DOT1L: variants seen among roughly 807,000 people sequenced by gnomAD.
DOT1L encodes DOT1 like histone lysine methyltransferase.
DOT1L carries 33 observed loss-of-function variants against 153.3 expected under a neutral mutation model. The observed-to-expected ratio is 0.22, with a 90% CI of 0.16 to 0.29. The LOEUF is 0.29. Among genes scored for constraint, DOT1L ranks in the 10% least tolerant of loss-of-function variants. DOT1L has a pLI of 1.00. For synonymous variants in DOT1L, 1,135 were observed against 965.1 expected, an observed-to-expected ratio of 1.18 and a Z score of -3.26; for missense variants, 1,847 against 2,119.9, an observed-to-expected ratio of 0.87 and a Z score of 2.53.
rs576201560 is a variant in DOT1L at position 2,224,574 on chromosome 19, C to G, written c.3597-814C>G. On this transcript the variant is annotated intron_variant, in intron 25 of 27. Coordinates refer to ENST00000398665, the MANE Select transcript of DOT1L (RefSeq NM_032482.3). ...CTCCGCCTCCTGGGTTCAAGTGATT[C>G]TCCTGCCTCAGCCTCCTGAGTAGTT... 6.0e-5 allele frequency among the ~76,000 whole-genome samples: 9 copies of G among 149,324 alleles called. No individual in the cohort carries two copies. In the South Asian group the frequency reaches 6.3e-4, roughly 10 times the overall value.
At chr19:2,181,173 C>T (rs988151169) in intron 2 of DOT1L, among the ~76,000 whole-genome samples, 1 of 152,264 alleles carries the variant, frequency 6.6e-6, no homozygotes, top group Admixed American at 6.5e-5. Flanking sequence ...TAAGCTCCAG[C>T]CTGGGCTCCA....
rs891895394 is a variant in DOT1L at position 2,164,341 on chromosome 19, C to A, written c.81+76C>A. The A allele has an allele frequency of 4.0e-5, 43 of 1,064,268 alleles. No individual in the cohort carries two copies. The East Asian group carries it at 6.7e-4, about 17-fold the overall frequency. The allele number at this position is 1,064,268 out of a possible 1,614,324, so 65.9% of individuals were successfully genotyped here. On this transcript the variant is annotated intron_variant, in intron 1 of 27. Transcript: ENST00000398665. ...GCCCCTGGGGACACCCCAAACCCCC[C>A]CAAGCCGCGCTCACCGGTCCCCCCT...
At chr19:2,178,710 C>A (rs544201712) in intron 1 of DOT1L, among the ~76,000 whole-genome samples, 1 of 151,954 alleles carries the variant, frequency 6.6e-6, no homozygotes, top group Non-Finnish European at 1.5e-5. Context: ...TGTGAGCTAC[C>A]GCGCCCGGCC....
chr19:2,173,616 C>T (rs1432797997), intron 1 of DOT1L, among the ~76,000 whole-genome samples: 4 of 152,190 alleles, frequency 2.6e-5, no homozygotes, highest in Admixed American at 6.5e-5. Context: ...TGGTGCCATC[C>T]GACCACCCTT....
intron 25 of DOT1L, 44 bp downstream of exon 25, chr19:2,223,530 G>C: frequency 4.0e-6 from 5 of 1,248,554 alleles, no homozygotes; most frequent in Non-Finnish European, 5.3e-6. Flanking sequence ...GGCAGCAGGG[G>C]CAGGAGGTGC....
rs2024198279 is a variant in DOT1L, at chr19:2,223,263, G to C, written c.3391-18G>C. On this transcript the variant is annotated intron_variant, in intron 24 of 27. Coordinates refer to ENST00000398665, the MANE Select transcript of DOT1L (RefSeq NM_032482.3). ...CGGGTCTGTGGTATGTGCATCCATT[G>C]TGTCTGTCTGCCCTCAGGTCAGTAA... 8 of 1,612,886 alleles carry C rather than the reference G, an allele frequency of 5.0e-6. No homozygotes were observed. In the Middle Eastern group the frequency reaches 1.3e-3, roughly 266 times the overall value.
At position 2,207,827 on chromosome 19, in the gene DOT1L, T is replaced by TCCTCAAGGCC. The variant is rs2023562391; in HGVS notation, c.963+153_963+162dup. ...CCCGGCCCCTGAGCTCAGGCCCAGC[T>TCCTCAAGGCC]CCTCAAGGCCCCTCAGTACTGCTTG... On this transcript the variant is annotated intron_variant, in intron 11 of 27. Coordinates refer to ENST00000398665, the MANE Select transcript of DOT1L (RefSeq NM_032482.3). The surrounding 1 kb of genome is among the most constrained non-coding windows in gnomAD (Gnocchi z 4.5). 1.4e-6 allele frequency: 1 copy of TCCTCAAGGCC among 714,310 alleles called. No homozygotes were observed. Among genetic ancestry groups the TCCTCAAGGCC allele is most frequent in the Admixed American group, 2.9e-5 (1 of 34,294 alleles). 44.2% of individuals were successfully genotyped at this position (714,310 alleles called of 1,614,324 possible).
rs1418554885 is a variant in DOT1L, at chr19:2,227,144, TCCGTCCGCCCCCCGCCCCGG to T, written c.4606+20_4606+39del. On this transcript the variant is annotated intron_variant, in intron 27 of 27. Coordinates refer to ENST00000398665, the MANE Select transcript of DOT1L (RefSeq NM_032482.3). Reference sequence around the variant, plus strand: ...CAGTTGGAGGTAGGCAGGGCGGCCGTCCGTCCGCCCCCCGCCCCGGCCCCCGCCGGAGGCCCCTTCCTTTG... The same window carrying T: ...CAGTTGGAGGTAGGCAGGGCGGCCGTCCCCCGCCGGAGGCCCCTTCCTTTG... The T allele has an allele frequency of 6.4e-7, 1 of 1,553,958 alleles. No homozygotes were observed. The highest frequency in any genetic ancestry group is 1.4e-5 in the African/African-American group (1 of 72,782).
At position 2,208,619 on chromosome 19, in the gene DOT1L, C is replaced by T. The variant is rs113604385; in HGVS notation, c.964-316C>T. On this transcript the variant is annotated intron_variant, in intron 11 of 27. Transcript: ENST00000398665. The surrounding 1 kb of genome is among the most constrained non-coding windows in gnomAD (Gnocchi z 4.4). ...CTCGCCTTCTCCTCTGAGGCGGGCGCGGTTCTTCTGTGCAGAAAGCCCTCC... is the reference window on the plus strand; with the variant it reads ...CTCGCCTTCTCCTCTGAGGCGGGCGTGGTTCTTCTGTGCAGAAAGCCCTCC... Among the ~76,000 whole-genome samples the T allele has an allele frequency of 3.3e-5, 5 of 152,190 alleles. No homozygotes were observed. The highest frequency in any genetic ancestry group is 2.1e-4 in the South Asian group (1 of 4,832).
At position 2,225,461 on chromosome 19, in the gene DOT1L, C is replaced by G; in HGVS notation, c.3661+9C>G. On this transcript the variant is annotated intron_variant, in intron 26 of 27. Coordinates refer to ENST00000398665, the MANE Select transcript of DOT1L (RefSeq NM_032482.3). ...GAAAACCTTGGAAAATGGTGAGTAACAAGTGTTTTGCGGCGTGGCCAGGCC... is the reference window on the plus strand; with the variant it reads ...GAAAACCTTGGAAAATGGTGAGTAAGAAGTGTTTTGCGGCGTGGCCAGGCC... 3.7e-6 allele frequency: 6 copies of G among 1,614,030 alleles called. No homozygotes were observed. Among genetic ancestry groups the G allele is most frequent in the Non-Finnish European group, 5.1e-6 (6 of 1,179,956 alleles).
intron 12 of DOT1L, 38 bp downstream of exon 12, chr19:2,209,014 G>A (rs1346316987): frequency 2.5e-6 from 4 of 1,604,946 alleles, no homozygotes; most frequent in East Asian, 2.2e-5. Flanking sequence ...TTAATAACAC[G>A]CATGCACTGA....
intron 7 of DOT1L, among the ~76,000 whole-genome samples, chr19:2,199,083 G>A (rs577659420): frequency 3.3e-5 from 5 of 152,250 alleles, no homozygotes; most frequent in Non-Finnish European, 7.3e-5. Context: ...AGGTGGTAGT[G>A]TTTTTGAAGG....
chr19:2,226,136 C>T (rs771097741), intron 26 of DOT1L, 47 bp from the exon 27 acceptor site: 84 of 1,484,296 alleles, frequency 5.7e-5, no homozygotes, highest in South Asian at 8.5e-5. Context: ...ATGGGTAGCC[C>T]GGGCAGGTGC....
intron 1 of DOT1L, 180 bp downstream of exon 1, chr19:2,164,445 C>A: frequency 2.5e-6 from 1 of 396,834 alleles, no homozygotes; most frequent in Non-Finnish European, 4.2e-6. Context: ...GGCTGTTTCC[C>A]GCAGGGTGGG....
chr19:2,220,079 C>G lies in DOT1L; in HGVS notation c.2692-29C>G, dbSNP rs2024055627. On this transcript the variant is annotated intron_variant, in intron 22 of 27. Transcript: ENST00000398665. This position sits in a 1 kb window ranked among gnomAD's most constrained non-coding sequence, Gnocchi z 4.5. ...CTGGGTCTCCTGGGGCACCTGCTGC[C>G]CCTGACACACAGGGTTTTCTCTCTG... 7.0e-6 allele frequency: 11 copies of G among 1,576,756 alleles called. No homozygotes were observed. The highest frequency in any genetic ancestry group is 9.5e-6 in the Non-Finnish European group (11 of 1,155,618).
intron 1 of DOT1L, among the ~76,000 whole-genome samples, chr19:2,171,694 G>A (rs768433969): frequency 1.8e-4 from 27 of 152,312 alleles, no homozygotes; most frequent in Non-Finnish European, 2.5e-4. Flanking sequence ...AGTGCTTCCT[G>A]GGACCATGCA....
rs569621462 is a variant in DOT1L, at chr19:2,221,730, C to T, written c.2807-246C>T. The T allele has an allele frequency of 2.4e-4, 120 of 502,910 alleles. 1 individual carries two copies. The highest frequency in any genetic ancestry group is 2.0e-3 in the African/African-American group (102 of 52,284). The allele number at this position is 502,910 out of a possible 1,614,324, so 31.2% of individuals were successfully genotyped here. On this transcript the variant is annotated intron_variant, in intron 23 of 27. Transcript: ENST00000398665. ...GCTTCTTGGGAGGCAGCGTCTCAGC[C>T]GGGACCTGCAGGGCACAGGCAGCCC... is the stretch of plus-strand genomic sequence containing the variant.
rs554171869 is a variant in DOT1L, at chr19:2,178,510, C to T, written c.82-2203C>T. Among the ~76,000 whole-genome samples, 149 of 151,320 alleles carry T rather than the reference C, an allele frequency of 9.8e-4. 1 individual carries two copies. The highest frequency in any genetic ancestry group is 3.4e-3 in the African/African-American group (140 of 41,176). On this transcript the variant is annotated intron_variant, in intron 1 of 27. Transcript: ENST00000398665. The stretch of plus-strand genomic sequence containing the variant: ...TTGGCTCACTGCAAGCTCCGCTTCC[C>T]GGGTTCACGCCATTCTCCTGCCTCT...
chr19:2,170,884 C>T (rs1322137321), intron 1 of DOT1L, among the ~76,000 whole-genome samples: 3 of 152,074 alleles, frequency 2.0e-5, no homozygotes, highest in East Asian at 1.9e-4. Context: ...GTGTGTCTCC[C>T]GGGACCTGTC....
Sources: allele counts gnomAD v4.1 joint callset (sites outside exome capture counted in the v4.1 genomes callset), GRCh38; gene constraint gnomAD v4.1.1; non-coding constraint Gnocchi (gnomAD v3.1); transcripts MANE v1.5; gene names NCBI Gene and HGNC (gene_info 2026-07-23, HGNC 2026-07-21).